Variants in PLA2G2F observed in about 807,000 individuals in gnomAD.
PLA2G2F encodes the protein phospholipase A2 group IIF.
A neutral mutation model predicts 15.9 loss-of-function variants in PLA2G2F; 17 were observed. The ratio of observed to expected loss-of-function variants is 1.07; its 90% CI spans 0.73 to 1.60. The LOEUF (loss-of-function observed/expected upper bound fraction) is 1.60. Among genes scored for constraint, PLA2G2F ranks in the 40% most tolerant of loss-of-function variants. PLA2G2F has a pLI of 0.00. For missense variants in PLA2G2F, 299 were observed against 278.2 expected, an observed-to-expected ratio of 1.07 and a Z score of -0.53; for synonymous variants, 119 against 106.5, an observed-to-expected ratio of 1.12 and a Z score of -0.72.
intron 2 of PLA2G2F, 98 bp from the exon 3 acceptor site, chr1:20,143,348 T>G: frequency 4.2e-6 from 6 of 1,421,764 alleles, no homozygotes; most frequent in Non-Finnish European, 5.8e-6. Context: ...CTACCCTAGG[T>G]ATTGGGAGGA....
At chr1:20,144,457 C>T in intron 3 of PLA2G2F, 123 bp from the exon 4 acceptor site, 1 of 716,808 alleles carries the variant, frequency 1.4e-6, no homozygotes, top group East Asian at 2.7e-5. Context: ...GTAACTGTCC[C>T]TCTCTGGGCT....
intron 3 of PLA2G2F, chr1:20,144,217 A>G: frequency 3.7e-6 from 1 of 266,736 alleles, no homozygotes. Context: ...CTCTGCCTAC[A>G]GTCGACGCTC....
Position 20,148,231 on chromosome 1 carries a change from T to C in PLA2G2F, c.466T>C (p.Cys156Arg), listed in dbSNP as rs1224522372. The part of the protein sequence containing the change: ...KTECDKQTCM[C>R]DKNMVLCLMN... ...AGAGTGTGACAAGCAGACATGCATG[T>C]GTGACAAGAACATGGTTCTGTGCCT... Residue 156 changes from cysteine to arginine, a missense_variant, in exon 5 of 5, where the codon TGT becomes CGT. Coordinates refer to ENST00000375102, the MANE Select transcript of PLA2G2F (RefSeq NM_022819.4). 2 of 1,613,918 alleles carry C rather than the reference T, an allele frequency of 1.2e-6. No homozygotes were observed. Among genetic ancestry groups the C allele is most frequent in the South Asian group, 1.1e-5 (1 of 91,080 alleles).
chr1:20,143,671 G>A lies in PLA2G2F; in HGVS notation c.314+81G>A. 6.6e-6 allele frequency: 10 copies of A among 1,517,262 alleles called. No homozygotes were observed. In the Middle Eastern group the frequency reaches 1.2e-3, roughly 178 times the overall value. 94.0% of individuals were successfully genotyped at this position (1,517,262 alleles called of 1,614,324 possible). On this transcript the variant is annotated intron_variant, in intron 3 of 4. Transcript: ENST00000375102. The stretch of plus-strand genomic sequence containing the variant: ...CAGACTGACCTTGCCCTCCATCCCT[G>A]AGTGGGGGAGACCTTCTTTCCCCAA...
At position 20,140,179 on chromosome 1, in the gene PLA2G2F, A is replaced by G. The variant is rs2017430316; in HGVS notation, c.130A>G (p.Met44Val). 5 of 1,613,926 alleles carry G rather than the reference A, an allele frequency of 3.1e-6. No individual in the cohort carries two copies. Among genetic ancestry groups the G allele is most frequent in the Admixed American group, 1.7e-5 (1 of 60,000 alleles). Residue 44 changes from methionine to valine, a missense_variant, in exon 2 of 5, where the codon ATG becomes GTG. By Grantham distance (21) the Met-to-Val change is conservative (BLOSUM62 1). Coordinates refer to ENST00000375102, the MANE Select transcript of PLA2G2F (RefSeq NM_022819.4). The part of the protein sequence containing the change: ...PSRTSRSSLG[M>V]KKFFTVAILA... ...GTCCTCCCTCAGGTCTAGCCTGGGT[A>G]TGAAGAAGTTCTTCACCGTGGCCAT... is the stretch of plus-strand genomic sequence containing the variant.
rs1353864476 is a variant in PLA2G2F, at chr1:20,144,700, C to T, written c.424+11C>T. 6.3e-7 allele frequency: 1 copy of T among 1,577,824 alleles called. No individual in the cohort carries two copies. The highest frequency in any genetic ancestry group is 1.3e-5 in the African/African-American group (1 of 74,468). On this transcript the variant is annotated intron_variant, in intron 4 of 4. Coordinates refer to ENST00000375102, the MANE Select transcript of PLA2G2F (RefSeq NM_022819.4). ...CTGAGATAGTCTGCAGTGAGTCCCT[C>T]CCCTGTCACCTGGGCCCCCAGAGAA... is the stretch of plus-strand genomic sequence containing the variant.
chr1:20,144,647 C>T lies in PLA2G2F; in HGVS notation c.382C>T (p.His128Tyr), dbSNP rs1459499640. Residue 128 changes from histidine to tyrosine, a missense_variant, in exon 4 of 5, where the codon CAC (histidine) becomes TAC (tyrosine). Physicochemically the swap from His to Tyr is moderately conservative, Grantham distance 83. Coordinates refer to ENST00000375102, the MANE Select transcript of PLA2G2F (RefSeq NM_022819.4). ...FDQGCHPYVD[H>Y]YDHTIENNTE... is the part of the protein sequence containing the mutation. ...CCAAGGCTGTCACCCCTATGTGGACCACTATGATCACACCATCGAGAACAA... is the reference window on the plus strand; with the variant it reads ...CCAAGGCTGTCACCCCTATGTGGACTACTATGATCACACCATCGAGAACAA... 1.9e-6 allele frequency: 3 copies of T among 1,611,588 alleles called. No homozygotes were observed. The highest frequency in any genetic ancestry group is 2.5e-6 in the Non-Finnish European group (3 of 1,178,958).
Position 20,139,414 on chromosome 1 carries a change from C to T in PLA2G2F, c.-14C>T, listed in dbSNP as rs774932409. On this transcript the variant is annotated 5_prime_UTR_variant, in exon 1 of 5. Transcript: ENST00000375102. ...TTCTGAGACCTATGTTGCTGGCCCCCCAGAACCCGCAACATGGCAGATGGG... is the reference window on the plus strand; with the variant it reads ...TTCTGAGACCTATGTTGCTGGCCCCTCAGAACCCGCAACATGGCAGATGGG... 2 of 1,548,254 alleles carry T rather than the reference C, an allele frequency of 1.3e-6. No homozygotes were observed. Among genetic ancestry groups the T allele is most frequent in the Non-Finnish European group, 1.7e-6 (2 of 1,143,272 alleles).
At position 20,139,553 on chromosome 1, in the gene PLA2G2F, T is replaced by A; in HGVS notation, c.116+10T>A. On this transcript the variant is annotated intron_variant, in intron 1 of 4. Coordinates refer to ENST00000375102, the MANE Select transcript of PLA2G2F (RefSeq NM_022819.4). The stretch of plus-strand genomic sequence containing the variant: ...CTTCAAGAACCTCCAGGTAGGTGCC[T>A]GTTGCCCTGAGATGGAATCCTCCAG... The A allele has an allele frequency of 6.7e-7, 1 of 1,492,596 alleles. No individual in the cohort carries two copies. Among genetic ancestry groups the A allele is most frequent in the Non-Finnish European group, 9.0e-7 (1 of 1,115,278 alleles). The allele number at this position is 1,492,596 out of a possible 1,614,324, so 92.5% of individuals were successfully genotyped here.
intron 4 of PLA2G2F, among the ~76,000 whole-genome samples, chr1:20,145,782 G>A (rs1489261872): frequency 1.3e-5 from 2 of 151,708 alleles, no homozygotes; most frequent in Non-Finnish European, 2.9e-5. Context: ...GTTGATTCTT[G>A]TATTTTTTGT....
At chr1:20,141,771 G>A (rs2017479761) in intron 2 of PLA2G2F, 1 of 152,292 alleles carries the variant, frequency 6.6e-6, no homozygotes, top group Non-Finnish European at 1.5e-5. Context: ...TGCCCTGCAA[G>A]GAGGCGTCAT....
chr1:20,144,502 G>A, intron 3 of PLA2G2F, 78 bp from the exon 4 acceptor site: 1 of 998,988 alleles, frequency 1.0e-6, no homozygotes, highest in Non-Finnish European at 1.5e-6. Context: ...GAGACTGGAA[G>A]AGATGATCAG....
intron 2 of PLA2G2F, chr1:20,143,226 A>G: frequency 3.8e-6 from 2 of 532,684 alleles, no homozygotes; most frequent in Non-Finnish European, 3.3e-6. Context: ...TCAGGGCCGC[A>G]GGGATGTGGG....
At position 20,143,605 on chromosome 1, in the gene PLA2G2F, C is replaced by G; in HGVS notation, c.314+15C>G. 1 of 1,610,826 alleles carries G rather than the reference C, an allele frequency of 6.2e-7. No individual in the cohort carries two copies. ...GAGGTGGACTGGTAGGTACCAGAGG[C>G]CTGGGCTCCTGTCAGGGGCCAAATG... On this transcript the variant is annotated intron_variant, in intron 3 of 4. Coordinates refer to ENST00000375102, the MANE Select transcript of PLA2G2F (RefSeq NM_022819.4).
Position 20,144,144 on chromosome 1 carries a change from C to T in PLA2G2F, c.315-436C>T, listed in dbSNP as rs535338010. ...CTGTGTTTCTTGTTCGCCATCCTAC[C>T]AGTCCCTGTTGACCCTCCAGACCTT... is the stretch of plus-strand genomic sequence containing the variant. On this transcript the variant is annotated intron_variant, in intron 3 of 4. Coordinates refer to ENST00000375102, the MANE Select transcript of PLA2G2F (RefSeq NM_022819.4). 23 of 200,472 alleles carry T rather than the reference C, an allele frequency of 1.1e-4. No individual in the cohort carries two copies. The East Asian group carries it at 2.6e-3, about 23-fold the overall frequency. The allele number at this position is 200,472 out of a possible 1,614,324, so 12.4% of individuals were successfully genotyped here.
intron 3 of PLA2G2F, 181 bp downstream of exon 3, chr1:20,143,771 G>A (rs1035192271): frequency 3.0e-5 from 23 of 758,800 alleles, no homozygotes; most frequent in African/African-American, 1.4e-4. Flanking sequence ...TGTTTTGAGC[G>A]CTTTCTGTTG....
rs576807000 is a variant in PLA2G2F, at chr1:20,141,394, A to G, written c.169+1176A>G. The G allele has an allele frequency of 7.9e-5, 12 of 152,144 alleles. No homozygotes were observed. In the South Asian group the frequency reaches 2.1e-3, roughly 26 times the overall value. 9.4% of individuals were successfully genotyped at this position (152,144 alleles called of 1,614,324 possible). Reference sequence around the variant, plus strand: ...GTATGTATGTGTGAGTGTTGAGTGTATCAGGTATGTGGGGGTGAGTGTGAG... The same window carrying G: ...GTATGTATGTGTGAGTGTTGAGTGTGTCAGGTATGTGGGGGTGAGTGTGAG... On this transcript the variant is annotated intron_variant, in intron 2 of 4. Coordinates refer to ENST00000375102, the MANE Select transcript of PLA2G2F (RefSeq NM_022819.4).
chr1:20,139,377 G>T lies in PLA2G2F; in HGVS notation c.-51G>T. 3 of 1,385,236 alleles carry T rather than the reference G, an allele frequency of 2.2e-6. No individual in the cohort carries two copies. In the South Asian group the frequency reaches 3.7e-5, roughly 17 times the overall value. The allele number at this position is 1,385,236 out of a possible 1,614,324, so 85.8% of individuals were successfully genotyped here. ...GCCTGCTCCCCGCAGCCTCTGGAGC[G>T]CATCTCAGACCTTCTGAGACCTATG... On this transcript the variant is annotated 5_prime_UTR_variant, in exon 1 of 5. Transcript: ENST00000375102.
rs770585648 is a variant in PLA2G2F, at chr1:20,148,306, T to C, written c.541T>C (p.Cys181Arg). The C allele has an allele frequency of 1.1e-5, 18 of 1,613,994 alleles. No individual in the cohort carries two copies. The highest frequency in any genetic ancestry group is 1.4e-5 in the Non-Finnish European group (17 of 1,179,976). The change falls in exon 5 of 5, where the codon TGC (cysteine) becomes CGC (arginine). Residue 181 changes from cysteine to arginine, a missense_variant. Transcript: ENST00000375102. Reference protein sequence around the residue: ...EEYRGFLNVYCQGPTPNCSIY... With the variant: ...EEYRGFLNVYRQGPTPNCSIY... ...GTACCGTGGCTTCCTCAATGTCTACTGCCAGGGCCCCACGCCCAACTGCAG... is the reference window on the plus strand; with the variant it reads ...GTACCGTGGCTTCCTCAATGTCTACCGCCAGGGCCCCACGCCCAACTGCAG...
Sources: gnomAD v4.1 joint callset for allele counts (sites outside exome capture counted in the v4.1 genomes callset) on GRCh38, gnomAD v4.1.1 for gene constraint, MANE v1.5 for transcripts, NCBI Gene and HGNC (gene_info 2026-07-23, HGNC 2026-07-21) for gene names.